Variants in NSMCE2 observed in about 807,000 individuals in gnomAD.
The protein encoded by NSMCE2 is E3 SUMO-protein ligase NSE2.
In NSMCE2, 24 loss-of-function variants were observed where a neutral mutation model predicts 23.8. The observed-to-expected ratio is 1.01, with a 90% CI of 0.73 to 1.42. The LOEUF (loss-of-function observed/expected upper bound fraction) is 1.42. Among genes scored for constraint, NSMCE2 ranks in the 40% most tolerant of loss-of-function variants. NSMCE2 has a pLI of 0.00. For synonymous variants in NSMCE2, 92 were observed against 94.1 expected, an observed-to-expected ratio of 0.98 and a Z score of 0.13; for missense variants, 284 against 296.5, an observed-to-expected ratio of 0.96 and a Z score of 0.31.
chr8:125,228,835 T>C (rs1032226568), intron 5 of NSMCE2, among the ~76,000 whole-genome samples: 6 of 152,168 alleles, frequency 3.9e-5, no homozygotes. Flanking sequence ...GAATTCACGT[T>C]ACAATCCTGT....
At chr8:125,174,644 C>T (rs1183206236) in intron 4 of NSMCE2, among the ~76,000 whole-genome samples, 1 of 152,202 alleles carries the variant, frequency 6.6e-6, no homozygotes, top group African/African-American at 2.4e-5. Flanking sequence ...AGACAAATAA[C>T]ATTCTTACCC....
Position 125,366,828 on chromosome 8 carries a change from A to C in NSMCE2, c.687A>C (p.Glu229Asp), listed in dbSNP as rs1813818294. ...DIRKSDLIQD[E>D]ALRRAIENHN... ...GAAAGTCAGATCTTATCCAGGATGA[A>C]GCACTTAGAAGGGCAATTGAGAACC... The change falls in exon 8 of 8, where the codon GAA becomes GAC. Residue 229 changes from glutamate (E) to aspartate (D), a missense_variant. Physicochemically the swap from Glu to Asp is conservative, Grantham distance 45. Transcript: ENST00000287437. 6.2e-7 allele frequency: 1 copy of C among 1,613,672 alleles called. No individual in the cohort carries two copies. The highest frequency in any genetic ancestry group is 1.3e-5 in the African/African-American group (1 of 74,934).
chr8:125,194,429 T>C (rs1452466591), intron 5 of NSMCE2, among the ~76,000 whole-genome samples: 1 of 152,218 alleles, frequency 6.6e-6, no homozygotes, highest in African/African-American at 2.4e-5. Flanking sequence ...ATCTGCAGTT[T>C]GTTGCATTCT....
intron 5 of NSMCE2, among the ~76,000 whole-genome samples, chr8:125,314,407 A>G (rs920315559): frequency 3.3e-5 from 5 of 152,186 alleles, no homozygotes; most frequent in Non-Finnish European, 7.4e-5. Flanking sequence ...CTCCTGCCTC[A>G]GCCTCCCAAG....
intron 4 of NSMCE2, among the ~76,000 whole-genome samples, chr8:125,160,639 C>G (rs1388911724): frequency 6.6e-6 from 1 of 152,192 alleles, no homozygotes; most frequent in Non-Finnish European, 1.5e-5. Context: ...GAAAAAGATA[C>G]CGCACCCTTT....
At chr8:125,198,699 TC>T (rs1823735940) in intron 5 of NSMCE2, among the ~76,000 whole-genome samples, 2 of 152,358 alleles carry the variant, frequency 1.3e-5, no homozygotes, top group African/African-American at 4.8e-5. Context: ...GATGCTAGCC[TC>T]ATAAAAGGAG....
chr8:125,282,082 T>C (rs528714533), intron 5 of NSMCE2, among the ~76,000 whole-genome samples: 124 of 152,026 alleles, frequency 8.2e-4, no homozygotes, highest in South Asian at 3.5e-3. Context: ...TCTAGAGAAA[T>C]CGGATGTTTG....
chr8:125,094,662 T>C (rs1000528802), intron 1 of NSMCE2: 1 of 152,246 alleles, frequency 6.6e-6, no homozygotes, highest in African/African-American at 2.4e-5. Context: ...TACCATAGAC[T>C]GGGTGGCTTA....
chr8:125,096,298 G>A (rs1214357774), intron 1 of NSMCE2, among the ~76,000 whole-genome samples: 3 of 152,174 alleles, frequency 2.0e-5, no homozygotes, highest in Non-Finnish European at 2.9e-5. Context: ...GCATGTAACC[G>A]GGTTGAAGAG....
chr8:125,121,339 G>T (rs1465354619), intron 3 of NSMCE2, among the ~76,000 whole-genome samples: 1 of 152,174 alleles, frequency 6.6e-6, no homozygotes, highest in Non-Finnish European at 1.5e-5. Context: ...TTTTGGACAA[G>T]GTAATTTTGT....
chr8:125,250,599 CTTAT>C (rs1440537689), intron 5 of NSMCE2, among the ~76,000 whole-genome samples: 29 of 152,072 alleles, frequency 1.9e-4, no homozygotes, highest in African/African-American at 6.3e-4. Flanking sequence ...TCATCCAATT[CTTAT>C]TTATTTGGTC....
chr8:125,333,670 A>G (rs563983127), intron 5 of NSMCE2, among the ~76,000 whole-genome samples: 37 of 150,006 alleles, frequency 2.5e-4, no homozygotes, highest in African/African-American at 8.3e-4. Flanking sequence ...GCCCGCCACT[A>G]CGCCCGGCTA....
At chr8:125,219,002 C>T (rs1326056099) in intron 5 of NSMCE2, among the ~76,000 whole-genome samples, 5 of 152,142 alleles carry the variant, frequency 3.3e-5, no homozygotes, top group Admixed American at 6.5e-5. Flanking sequence ...GTACTTTAAG[C>T]ATTTTAGTCC....
intron 5 of NSMCE2, among the ~76,000 whole-genome samples, chr8:125,230,302 C>T (rs1210049553): frequency 1.3e-5 from 2 of 151,612 alleles, no homozygotes; most frequent in Non-Finnish European, 2.9e-5. Context: ...AACTAATACC[C>T]TATAAAGCCT....
intron 5 of NSMCE2, among the ~76,000 whole-genome samples, chr8:125,310,656 C>T (rs995307083): frequency 1.1e-4 from 17 of 152,064 alleles, no homozygotes; most frequent in Non-Finnish European, 2.1e-4. Flanking sequence ...ATGTTTTTCT[C>T]CCTTAGCCAA....
intron 7 of NSMCE2, among the ~76,000 whole-genome samples, chr8:125,364,485 G>C (rs1033900196): frequency 6.6e-6 from 1 of 152,128 alleles, no homozygotes; most frequent in African/African-American, 2.4e-5. Context: ...TTAATATCCT[G>C]TGCTTTATGG....
At chr8:125,218,579 T>C (rs1824707572) in intron 5 of NSMCE2, among the ~76,000 whole-genome samples, 1 of 152,068 alleles carries the variant, frequency 6.6e-6, no homozygotes, top group Admixed American at 6.6e-5. Flanking sequence ...GCCTAGCTAA[T>C]TTTTGTATTT....
chr8:125,292,117 G>T (rs113155186), intron 5 of NSMCE2, among the ~76,000 whole-genome samples: 1 of 151,958 alleles, frequency 6.6e-6, no homozygotes, highest in Non-Finnish European at 1.5e-5. Context: ...TACAAGGAGG[G>T]CTGGACAAAG....
At chr8:125,354,143 G>A (rs1813155227) in intron 5 of NSMCE2, among the ~76,000 whole-genome samples, 1 of 151,846 alleles carries the variant, frequency 6.6e-6, no homozygotes, top group South Asian at 2.1e-4. Flanking sequence ...TGTTGGTTAG[G>A]CTGGTCTCGA....
Sources: allele counts gnomAD v4.1 joint callset (sites outside exome capture counted in the v4.1 genomes callset), GRCh38; gene constraint gnomAD v4.1.1; transcripts MANE v1.5; gene names NCBI Gene and HGNC (gene_info 2026-07-23, HGNC 2026-07-21).